The following GCNT2 variants were observed in gnomAD, a reference collection of about 807,000 sequenced individuals.
The protein encoded by GCNT2 is glucosaminyl (N-acetyl) transferase 2 (I blood group).
Under a neutral mutation model 34.2 loss-of-function variants are expected in GCNT2, and 34 were observed. The ratio of observed to expected loss-of-function variants is 1.00; its 90% confidence interval spans 0.76 to 1.32. The LOEUF is 1.32. GCNT2 is among the 40% of genes most tolerant of loss of function. The pLI, the probability that GCNT2 is intolerant of heterozygous loss-of-function variation, is 0.00. For missense variants in GCNT2, 584 were observed against 489.4 expected (o/e 1.19, Z -1.82); for synonymous variants, 212 against 188.0 (o/e 1.13, Z -1.04).
intron 3 of GCNT2, among the ~76,000 whole-genome samples, chr6:10,563,223 T>C (rs550982252): frequency 3.3e-5 from 5 of 152,276 alleles, no homozygotes; most frequent in African/African-American, 7.2e-5. Context: ...TTTATACATA[T>C]GGGTGTGTGA....
intron 3 of GCNT2, chr6:10,556,802 G>A (rs754744022): frequency 2.5e-6 from 4 of 1,614,136 alleles, no homozygotes; most frequent in South Asian, 1.1e-5. Flanking sequence ...TGTTCATGTG[G>A]ATGAAAAAGC....
intron 3 of GCNT2, among the ~76,000 whole-genome samples, chr6:10,600,172 C>A (rs950574251): frequency 2.6e-5 from 4 of 152,060 alleles, no homozygotes; most frequent in African/African-American, 9.7e-5. Context: ...GATATCTGAG[C>A]AAAGGGGCAG....
chr6:10,621,433 A>T lies in GCNT2; in HGVS notation c.1008A>T (p.Gly336=). 6.2e-7 allele frequency: 1 copy of T among 1,608,728 alleles called. No homozygotes were observed. The highest frequency in any genetic ancestry group is 8.5e-7 in the Non-Finnish European group (1 of 1,175,148). ...IKWSDMEDRH[G]GCHGHYVHGI... ...GGAGTGACATGGAAGACAGACACGG[A>T]GGCTGCCACGGTGAGGCTCTCGTTC... Residue 336 remains glycine (G), a synonymous_variant, in exon 4 of 5, where the codon GGA becomes GGT. Coordinates refer to ENST00000495262, the MANE Select transcript of GCNT2 (RefSeq NM_145649.5).
chr6:10,626,801 C>T lies in GCNT2; in HGVS notation c.*194C>T. On this transcript the variant is annotated 3_prime_UTR_variant, in exon 5 of 5. Transcript: ENST00000495262. ...ACACTAACAGGATGGCTGGGTAGAG[C>T]AATCTGGGCACTTTGGCCAATTTTA... is the stretch of plus-strand genomic sequence containing the variant. 1 of 586,154 alleles carries T rather than the reference C, an allele frequency of 1.7e-6. No individual in the cohort carries two copies. 36.3% of individuals were successfully genotyped at this position (586,154 alleles called of 1,614,324 possible).
At chr6:10,557,659 T>A (rs1057028841) in intron 3 of GCNT2, among the ~76,000 whole-genome samples, 17 of 151,958 alleles carry the variant, frequency 1.1e-4, no homozygotes, top group African/African-American at 2.4e-4. Context: ...GGCTAATTTT[T>A]AAAAAAAATT....
chr6:10,581,668 T>G, intron 3 of GCNT2: 410 of 762,162 alleles, frequency 5.4e-4, no homozygotes, highest in Non-Finnish European at 6.2e-4. Flanking sequence ...AAAGATTTCT[T>G]GAGTTTGTTT....
intron 3 of GCNT2, among the ~76,000 whole-genome samples, chr6:10,568,929 G>A (rs12663418): frequency 0.65 from 98,028 of 151,746 alleles, 31,885 homozygotes; most frequent in Middle Eastern, 0.72. Flanking sequence ...GCTTTTTCTG[G>A]TCTTATTTTT....
intron 3 of GCNT2, among the ~76,000 whole-genome samples, chr6:10,608,678 AACAC>A (rs1174393774): frequency 6.6e-6 from 1 of 152,058 alleles, no homozygotes; most frequent in Non-Finnish European, 1.5e-5. Flanking sequence ...CTAATAAACA[AACAC>A]AAAAAGAGAG....
intron 3 of GCNT2, among the ~76,000 whole-genome samples, chr6:10,576,258 A>C (rs1469761359): frequency 6.9e-6 from 1 of 145,808 alleles, no homozygotes; most frequent in Non-Finnish European, 1.5e-5. Flanking sequence ...ATCCATAAAG[A>C]AGGTTTTATT....
chr6:10,620,322 G>A (rs1161496299), intron 3 of GCNT2, among the ~76,000 whole-genome samples: 1 of 152,176 alleles, frequency 6.6e-6, no homozygotes, highest in African/African-American at 2.4e-5. Flanking sequence ...TTACTCACTG[G>A]TGGAAAATGC....
At chr6:10,565,563 C>T (rs1353945247) in intron 3 of GCNT2, among the ~76,000 whole-genome samples, 2 of 152,234 alleles carry the variant, frequency 1.3e-5, no homozygotes, top group Non-Finnish European at 2.9e-5. Context: ...TCAGCATGAA[C>T]ACTACCCTAT....
At chr6:10,546,992 T>G (rs1396382243) in intron 3 of GCNT2, among the ~76,000 whole-genome samples, 1 of 152,166 alleles carries the variant, frequency 6.6e-6, no homozygotes, top group Admixed American at 6.5e-5. Flanking sequence ...ATGTCCTACC[T>G]TAAGAAATTA....
chr6:10,573,387 A>ACTGCC, intron 3 of GCNT2: 6 of 705,332 alleles, frequency 8.5e-6, no homozygotes, highest in Non-Finnish European at 1.0e-5. Flanking sequence ...TTTAGTGTTA[A>ACTGCC]CAGCTGGGCA....
At chr6:10,597,456 G>C (rs1764907600) in intron 3 of GCNT2, among the ~76,000 whole-genome samples, 1 of 151,854 alleles carries the variant, frequency 6.6e-6, no homozygotes, top group South Asian at 2.1e-4. Flanking sequence ...CGCCCGGCCA[G>C]GAATTGTCTT....
chr6:10,617,292 GC>G (rs1312734775), intron 3 of GCNT2, among the ~76,000 whole-genome samples: 1 of 152,202 alleles, frequency 6.6e-6, no homozygotes, highest in Non-Finnish European at 1.5e-5. Context: ...GGGCGGCGGG[GC>G]CGGCCGGCTT....
rs905242895 is a variant in GCNT2 at position 10,581,833 on chromosome 6, A to G, written c.926-39518A>G. The G allele has an allele frequency of 3.0e-6, 3 of 984,894 alleles. No homozygotes were observed. The African/African-American group carries it at 5.2e-5, about 17-fold the overall frequency. The allele number at this position is 984,894 out of a possible 1,614,324, so 61.0% of individuals were successfully genotyped here. On this transcript the variant is annotated intron_variant, in intron 3 of 4. Coordinates refer to ENST00000495262, the MANE Select transcript of GCNT2 (RefSeq NM_145649.5). Reference sequence around the variant, plus strand: ...TCTCCACAAGACCTGCCAAGGACAAATTTTACAGAAAAGGGTGTGGTTCTA... The same window carrying G: ...TCTCCACAAGACCTGCCAAGGACAAGTTTTACAGAAAAGGGTGTGGTTCTA...
intron 3 of GCNT2, among the ~76,000 whole-genome samples, chr6:10,537,147 A>G (rs1761799958): frequency 6.6e-6 from 1 of 152,190 alleles, no homozygotes; most frequent in African/African-American, 2.4e-5. Context: ...TAGGTAGATT[A>G]TCAAGAAAAC....
intron 4 of GCNT2, among the ~76,000 whole-genome samples, chr6:10,625,093 A>G (rs976079613): frequency 1.3e-5 from 2 of 151,960 alleles, no homozygotes; most frequent in South Asian, 2.1e-4. Context: ...TCTACTCTCT[A>G]TTATGCTTCT....
At chr6:10,594,583 A>C (rs985619311) in intron 3 of GCNT2, among the ~76,000 whole-genome samples, 2 of 152,160 alleles carry the variant, frequency 1.3e-5, no homozygotes, top group Non-Finnish European at 2.9e-5. Context: ...CTGTTTTGAG[A>C]ATTAAATTTT....
Sources: gnomAD v4.1 joint callset for allele counts (sites outside exome capture counted in the v4.1 genomes callset) on GRCh38, gnomAD v4.1.1 for gene constraint, MANE v1.5 for transcripts, NCBI Gene and HGNC (gene_info 2026-07-23, HGNC 2026-07-21) for gene names.